Variants in CTNND2 observed in about 807,000 individuals in gnomAD.
CTNND2 encodes the protein catenin delta 2.
A neutral mutation model predicts 144.4 loss-of-function variants in CTNND2; 22 were observed. The observed-to-expected ratio is 0.15, with a 90% CI of 0.11 to 0.22. The LOEUF is 0.22. CTNND2 is among the 10% of genes least tolerant of loss of function. CTNND2 has a pLI of 1.00. For synonymous variants in CTNND2, 751 were observed against 695.6 expected, an observed-to-expected ratio of 1.08 and a Z score of -1.25; for missense variants, 1,353 against 1,618.8, an observed-to-expected ratio of 0.84 and a Z score of 2.82.
intron 1 of CTNND2, among the ~76,000 whole-genome samples, chr5:11,811,782 T>C (rs1353854105): frequency 6.6e-6 from 1 of 152,182 alleles, no homozygotes; most frequent in African/African-American, 2.4e-5. Context: ...AATGTCCAGC[T>C]TGGCAGCTCA....
At chr5:11,305,585 T>C (rs1160058518) in intron 9 of CTNND2, among the ~76,000 whole-genome samples, 1 of 152,148 alleles carries the variant, frequency 6.6e-6, no homozygotes, top group Non-Finnish European at 1.5e-5. Flanking sequence ...GTCCTCCTTA[T>C]AAAAATGTCC....
chr5:11,009,269 C>G (rs1187033475), intron 18 of CTNND2, among the ~76,000 whole-genome samples: 2 of 152,192 alleles, frequency 1.3e-5, no homozygotes, highest in African/African-American at 4.8e-5. Context: ...CTCCCATGGG[C>G]AGAGTGTACC....
In CTNND2 at chr5:10,973,349, G is replaced by T; in HGVS notation, c.*104C>A. ...GTTATCACAGCCTTCCTATGGAACA[G>T]GCTTTAACAAACTAAATTTGCAGGA... is the stretch of plus-strand genomic sequence containing the variant. On this transcript the variant is annotated 3_prime_UTR_variant, in exon 22 of 22. Coordinates refer to ENST00000304623, the MANE Select transcript of CTNND2 (RefSeq NM_001332.4). The surrounding 1 kb of genome is among the most constrained non-coding windows in gnomAD (Gnocchi z 5.6). 7.9e-7 allele frequency: 1 copy of T among 1,266,764 alleles called. No individual in the cohort carries two copies. Among genetic ancestry groups the T allele is most frequent in the Non-Finnish European group, 1.1e-6 (1 of 937,432 alleles). The allele number at this position is 1,266,764 out of a possible 1,614,324, so 78.5% of individuals were successfully genotyped here. A position where few individuals can be genotyped will look rare whatever the true frequency, so the allele number is the denominator to read the frequency against.
chr5:11,558,692 G>A (rs1368280340), intron 3 of CTNND2, among the ~76,000 whole-genome samples: 1 of 152,208 alleles, frequency 6.6e-6, no homozygotes, highest in South Asian at 2.1e-4. Context: ...GGTATACACA[G>A]GTGCTGGGTG....
intron 2 of CTNND2, among the ~76,000 whole-genome samples, chr5:11,603,152 G>A (rs1169364082): frequency 1.3e-5 from 2 of 152,056 alleles, no homozygotes; most frequent in African/African-American, 4.8e-5. Flanking sequence ...TTATGCCTCT[G>A]CTTCCAAAAT....
intron 1 of CTNND2, among the ~76,000 whole-genome samples, chr5:11,737,834 G>C (rs1222723020): frequency 6.6e-6 from 1 of 152,178 alleles, no homozygotes; most frequent in Non-Finnish European, 1.5e-5. Context: ...CACAAAGACA[G>C]AAAGCCATAA....
At chr5:11,414,294 T>C (rs1042536610) in intron 3 of CTNND2, among the ~76,000 whole-genome samples, 15 of 152,292 alleles carry the variant, frequency 9.8e-5, no homozygotes, top group Admixed American at 7.8e-4. Flanking sequence ...TAAATTTCTA[T>C]TGTTTTAAGT....
chr5:11,844,393 C>G (rs1561851934), intron 1 of CTNND2, among the ~76,000 whole-genome samples: 4 of 151,958 alleles, frequency 2.6e-5, no homozygotes, highest in African/African-American at 9.7e-5. Context: ...CACACACACA[C>G]ATACACACAC....
intron 2 of CTNND2, among the ~76,000 whole-genome samples, chr5:11,596,247 C>CA (rs1476366127): frequency 6.6e-6 from 1 of 152,182 alleles, no homozygotes; most frequent in African/African-American, 2.4e-5. Context: ...CCTAATCACC[C>CA]AGCATTAAGA....
rs530592874 is a variant in CTNND2 at position 11,220,200 on chromosome 5, T to A, written c.1761+16491A>T. ...TGGTAAAAATCCATAAAAAAAAAAA[T>A]TTAGAGTGTGTTTGCATTACATAGA... On this transcript the variant is annotated intron_variant, in intron 10 of 21. Coordinates refer to ENST00000304623, the MANE Select transcript of CTNND2 (RefSeq NM_001332.4). Among the ~76,000 whole-genome samples, 17 of 151,746 alleles carry A rather than the reference T, an allele frequency of 1.1e-4. 1 individual carries two copies. The South Asian group carries it at 2.7e-3, about 24-fold the overall frequency.
intron 2 of CTNND2, among the ~76,000 whole-genome samples, chr5:11,577,037 C>T (rs1446632712): frequency 6.6e-6 from 1 of 152,206 alleles, no homozygotes. Flanking sequence ...CATCTTCTCA[C>T]TGACAATGAC....
chr5:11,338,004 G>A, intron 9 of CTNND2, among the ~76,000 whole-genome samples: 1 of 152,212 alleles, frequency 6.6e-6, no homozygotes, highest in East Asian at 1.9e-4. Flanking sequence ...GTTCTGGAAA[G>A]ATGGAATAAG....
intron 9 of CTNND2, among the ~76,000 whole-genome samples, chr5:11,307,336 T>C (rs1438718015): frequency 6.7e-6 from 1 of 149,286 alleles, no homozygotes; most frequent in African/African-American, 2.5e-5. Flanking sequence ...TGTGTGTGTG[T>C]GTGTGTGTAC....
intron 2 of CTNND2, among the ~76,000 whole-genome samples, chr5:11,577,305 A>C (rs1307310610): frequency 6.6e-6 from 1 of 152,280 alleles, no homozygotes; most frequent in East Asian, 1.9e-4. Context: ...AGATACGAGC[A>C]TAAAATTAAT....
At chr5:11,806,034 T>TTATTTTTTTTATTAAAATAAAATAA in intron 1 of CTNND2, among the ~76,000 whole-genome samples, 1 of 152,186 alleles carries the variant, frequency 6.6e-6, no homozygotes. Flanking sequence ...CTCAAAACTA[T>TTATTTTTTTTATTAAAATAAAATAA]CAAAGTTATT....
At chr5:11,306,629 C>G (rs1561190079) in intron 9 of CTNND2, among the ~76,000 whole-genome samples, 1 of 152,170 alleles carries the variant, frequency 6.6e-6, no homozygotes, top group Non-Finnish European at 1.5e-5. Flanking sequence ...TCAAAACTTA[C>G]AGGTTGACCT....
intron 2 of CTNND2, among the ~76,000 whole-genome samples, chr5:11,647,442 C>A (rs1194958761): frequency 1.3e-5 from 2 of 152,010 alleles, no homozygotes; most frequent in Non-Finnish European, 2.9e-5. Context: ...TTATTCCCTA[C>A]CAACCTGTCC....
chr5:11,605,990 T>G (rs1261312602), intron 2 of CTNND2, among the ~76,000 whole-genome samples: 1 of 152,130 alleles, frequency 6.6e-6, no homozygotes, highest in African/African-American at 2.4e-5. Context: ...TCTAATCACA[T>G]GAGCTGGTAA....
At chr5:11,102,602 C>A (rs1188432503) in intron 14 of CTNND2, among the ~76,000 whole-genome samples, 1 of 152,128 alleles carries the variant, frequency 6.6e-6, no homozygotes, top group Non-Finnish European at 1.5e-5. Flanking sequence ...TGACTAATAT[C>A]CATAAAAAAT....
Sources: allele counts gnomAD v4.1 joint callset (sites outside exome capture counted in the v4.1 genomes callset), GRCh38; gene constraint gnomAD v4.1.1; non-coding constraint Gnocchi (gnomAD v3.1); transcripts MANE v1.5; gene names NCBI Gene and HGNC (gene_info 2026-07-23, HGNC 2026-07-21).